EYS: variants seen among roughly 807,000 people sequenced by gnomAD.
The protein encoded by EYS is EGF-like photoreceptor maintenance factor.
EYS carries 250 observed loss-of-function variants against 282.1 expected under a neutral mutation model. The observed-to-expected ratio is 0.89, with a 90% CI of 0.80 to 0.98. EYS has a LOEUF of 0.98. EYS is among the 50% of genes least tolerant of loss of function. The pLI is 0.00. For missense variants in EYS, 4,016 were observed against 3,709.0 expected (o/e 1.08, Z -2.15); for synonymous variants, 1,355 against 1,282.9 (o/e 1.06, Z -1.20).
At chr6:65,327,066 C>T (rs76100193) in intron 11 of EYS, among the ~76,000 whole-genome samples, 6,970 of 151,634 alleles carry the variant, frequency 0.046, 214 homozygotes, top group South Asian at 0.081. Flanking sequence ...CTTTCAGGAG[C>T]CTAAATTAAT....
intron 11 of EYS, among the ~76,000 whole-genome samples, chr6:65,300,279 C>T (rs1214523703): frequency 4.6e-5 from 7 of 152,182 alleles, no homozygotes; most frequent in African/African-American, 1.2e-4. Context: ...GAGGCTTTAC[C>T]GCCTGTCTTC....
Position 64,038,529 on chromosome 6 carries a change from A to C in EYS, c.6725+27809T>G, listed in dbSNP as rs553348756. Among the ~76,000 whole-genome samples, 14 of 151,908 alleles carry C rather than the reference A, an allele frequency of 9.2e-5. No individual in the cohort carries two copies. In the East Asian group the frequency reaches 2.5e-3, roughly 27 times the overall value. ...GTCACTTTTAATATCCACATTCCTA[A>C]TTGACTATCAAAATCCAGTACTTCA... On this transcript the variant is annotated intron_variant, in intron 33 of 42. Coordinates refer to ENST00000503581, the MANE Select transcript of EYS (RefSeq NM_001142800.2).
At chr6:65,461,676 T>TAA (rs1347533526) in intron 5 of EYS, among the ~76,000 whole-genome samples, 2 of 152,124 alleles carry the variant, frequency 1.3e-5, no homozygotes, top group Admixed American at 6.6e-5. Context: ...CATACCTTCT[T>TAA]AAGTTTTAAG....
chr6:65,664,429 T>G (rs1768131637), intron 1 of EYS, among the ~76,000 whole-genome samples: 1 of 152,140 alleles, frequency 6.6e-6, no homozygotes, highest in Admixed American at 6.5e-5. Flanking sequence ...CAATGCATTT[T>G]TACAGCTGTG....
At chr6:65,353,673 A>T (rs1180848519) in intron 8 of EYS, 56 bp from the exon 9 acceptor site, 52 of 1,445,708 alleles carry the variant, frequency 3.6e-5, no homozygotes, top group Non-Finnish European at 4.9e-5. Flanking sequence ...ATTTTTCAAT[A>T]TATACATATA....
chr6:64,656,239 G>C (rs1290851509), intron 22 of EYS, among the ~76,000 whole-genome samples: 1 of 152,168 alleles, frequency 6.6e-6, no homozygotes, highest in Non-Finnish European at 1.5e-5. Context: ...TCTAATGAGA[G>C]ATACAACTTT....
intron 2 of EYS, among the ~76,000 whole-genome samples, chr6:65,615,917 G>A (rs1161543859): frequency 6.8e-6 from 1 of 147,676 alleles, no homozygotes; most frequent in Admixed American, 6.8e-5. Context: ...CTGGGCGAGA[G>A]AGCGAGACTC....
chr6:65,443,331 C>G (rs566462060), intron 5 of EYS, among the ~76,000 whole-genome samples: 2 of 129,316 alleles, frequency 1.5e-5, no homozygotes, highest in South Asian at 5.1e-4. Context: ...TATATGCATA[C>G]ATGTATGTAC....
At chr6:64,593,001 C>T in intron 25 of EYS, 116 bp downstream of exon 25, 3 of 688,600 alleles carry the variant, frequency 4.4e-6, no homozygotes, top group Non-Finnish European at 6.6e-6. Context: ...AATTTTACAC[C>T]CCTAAAAATC....
rs528123771 is a variant in EYS at position 64,397,552 on chromosome 6, T to C, written c.5928-8712A>G. ...TTATAGGATTTTTTAATCTAAAATTTCAGTTATTGGCAAAAATGTTTCATA... is the reference window on the plus strand; with the variant it reads ...TTATAGGATTTTTTAATCTAAAATTCCAGTTATTGGCAAAAATGTTTCATA... On this transcript the variant is annotated intron_variant, in intron 28 of 42. Transcript: ENST00000503581. 7.2e-5 allele frequency among the ~76,000 whole-genome samples: 11 copies of C among 152,162 alleles called. 1 individual carries two copies. In the South Asian group the frequency reaches 2.1e-3, roughly 29 times the overall value.
intron 31 of EYS, among the ~76,000 whole-genome samples, chr6:64,205,885 ACT>A (rs1765597220): frequency 2.0e-5 from 3 of 151,680 alleles, no homozygotes; most frequent in African/African-American, 7.3e-5. Flanking sequence ...AAAGAAATTC[ACT>A]GTTAGTCAAT....
intron 12 of EYS, among the ~76,000 whole-genome samples, chr6:65,180,882 G>C (rs1276605579): frequency 1.3e-5 from 2 of 152,180 alleles, no homozygotes; most frequent in Middle Eastern, 3.4e-3. Context: ...GAACAGAACA[G>C]AGCCCTCATA....
chr6:64,579,379 C>A (rs1036255647), intron 26 of EYS, among the ~76,000 whole-genome samples: 1 of 152,144 alleles, frequency 6.6e-6, no homozygotes, highest in Non-Finnish European at 1.5e-5. Flanking sequence ...TGCCAACTCA[C>A]TGGAACCTGA....
At chr6:64,366,621 T>C (rs1418611134) in intron 29 of EYS, among the ~76,000 whole-genome samples, 1 of 152,008 alleles carries the variant, frequency 6.6e-6, no homozygotes, top group Non-Finnish European at 1.5e-5. Context: ...AGGTATTGGG[T>C]AGAGATTTTA....
chr6:64,887,316 A>T (rs961002829), intron 18 of EYS, among the ~76,000 whole-genome samples: 3 of 151,174 alleles, frequency 2.0e-5, no homozygotes, highest in Non-Finnish European at 4.4e-5. Flanking sequence ...GCATTGGGAG[A>T]GATACCTAAT....
chr6:63,921,036 GCACTGGC>G (rs2149743654), intron 35 of EYS, among the ~76,000 whole-genome samples: 1 of 152,230 alleles, frequency 6.6e-6, no homozygotes, highest in South Asian at 2.1e-4. Context: ...GGGACTACAG[GCACTGGC>G]CACCACACCT....
chr6:65,147,612 T>G (rs1764511176), intron 12 of EYS, among the ~76,000 whole-genome samples: 1 of 152,108 alleles, frequency 6.6e-6, no homozygotes. Context: ...CACTCCTTCT[T>G]GGCCCATTAT....
chr6:65,192,513 C>T (rs946684272), intron 12 of EYS, among the ~76,000 whole-genome samples: 1 of 151,706 alleles, frequency 6.6e-6, no homozygotes, highest in African/African-American at 2.4e-5. Flanking sequence ...CTAAACATAT[C>T]TTTATCAGAA....
intron 5 of EYS, among the ~76,000 whole-genome samples, chr6:65,433,174 T>C (rs1055606112): frequency 6.6e-6 from 1 of 152,088 alleles, no homozygotes; most frequent in Non-Finnish European, 1.5e-5. Context: ...TTTAAATATA[T>C]AAAACTAGAC....
Sources: gnomAD v4.1 joint callset for allele counts (sites outside exome capture counted in the v4.1 genomes callset) on GRCh38, gnomAD v4.1.1 for gene constraint, MANE v1.5 for transcripts, NCBI Gene and HGNC (gene_info 2026-07-23, HGNC 2026-07-21) for gene names.